Variants in CASP2 observed in about 807,000 individuals in gnomAD.
CASP2 encodes the protein caspase-2.
In CASP2, 38 loss-of-function variants were observed where a neutral mutation model predicts 54.4. The ratio of observed to expected loss-of-function variants is 0.70; its 90% CI spans 0.54 to 0.92. The LOEUF (loss-of-function observed/expected upper bound fraction) is 0.92. Ranked by LOEUF, CASP2 falls within the 40% of genes least tolerant of loss-of-function variation. CASP2 has a pLI of 0.00. For missense variants in CASP2, 512 were observed against 579.6 expected, an observed-to-expected ratio of 0.88 and a Z score of 1.20; for synonymous variants, 215 against 216.3, an observed-to-expected ratio of 0.99 and a Z score of 0.05.
chr7:143,291,441 G>T (rs1470529401), intron 1 of CASP2, 99 bp from the exon 2 acceptor site: 1 of 1,187,452 alleles, frequency 8.4e-7, no homozygotes, highest in Non-Finnish European at 1.3e-6. Context: ...GTTATTGTAA[G>T]TCTTATTCTT....
Position 143,292,345 on chromosome 7 carries a change from C to T in CASP2, c.271C>T (p.Leu91=), listed in dbSNP as rs1382115379. The T allele has an allele frequency of 6.2e-6, 10 of 1,614,070 alleles. No individual in the cohort carries two copies. Among genetic ancestry groups the T allele is most frequent in the Non-Finnish European group, 7.6e-6 (9 of 1,180,016 alleles). ...FSQNVELLNL[L]PKRGPQAFDA... ...CCAGAATGTGGAACTCCTCAACTTGCTGCCTAAGAGGGGTCCCCAAGCTTT... is the reference window on the plus strand; with the variant it reads ...CCAGAATGTGGAACTCCTCAACTTGTTGCCTAAGAGGGGTCCCCAAGCTTT... The change falls in exon 3 of 11, where the codon CTG becomes TTG. Residue 91 remains leucine (L), a synonymous_variant. Coordinates refer to ENST00000310447, the MANE Select transcript of CASP2 (RefSeq NM_032982.4).
rs1019753057 is a variant in CASP2, at chr7:143,299,943, G to A, written c.768G>A (p.Gln256=). 2 of 1,614,190 alleles carry A rather than the reference G, an allele frequency of 1.2e-6. No homozygotes were observed. The highest frequency in any genetic ancestry group is 1.3e-5 in the African/African-American group (1 of 75,052). ...TTTAGGAAATGCAAGAGAAACTGCA[G>A]AATTTTGCACAGTTACCTGCACACC... The part of the protein sequence containing the change: ...QTAQEMQEKL[Q]NFAQLPAHRV... The change falls in exon 7 of 11, where the codon CAG becomes CAA. Residue 256 remains glutamine (Q), a synonymous_variant. Coordinates refer to ENST00000310447, the MANE Select transcript of CASP2 (RefSeq NM_032982.4).
chr7:143,300,873 T>G (rs1397097865), intron 8 of CASP2: 1 of 1,109,414 alleles, frequency 9.0e-7, no homozygotes, highest in African/African-American at 1.6e-5. Context: ...TCATGCAGTC[T>G]GTTTTACTCC....
chr7:143,291,999 C>T (rs934349711), intron 2 of CASP2, among the ~76,000 whole-genome samples: 1 of 151,302 alleles, frequency 6.6e-6, no homozygotes, highest in Non-Finnish European at 1.5e-5. Flanking sequence ...AGGAGGGTGT[C>T]GATCTCCTGA....
chr7:143,292,350 T>A lies in CASP2; in HGVS notation c.276T>A (p.Pro92=). The change falls in exon 3 of 11, where the codon CCT becomes CCA. Residue 92 remains proline, a synonymous_variant. Coordinates refer to ENST00000310447, the MANE Select transcript of CASP2 (RefSeq NM_032982.4). ...SQNVELLNLL[P]KRGPQAFDAF... The stretch of plus-strand genomic sequence containing the variant: ...ATGTGGAACTCCTCAACTTGCTGCC[T>A]AAGAGGGGTCCCCAAGCTTTTGATG... The A allele has an allele frequency of 6.2e-7, 1 of 1,614,204 alleles. No individual in the cohort carries two copies. Among genetic ancestry groups the A allele is most frequent in the Non-Finnish European group, 8.5e-7 (1 of 1,180,036 alleles).
rs1802043977 is a variant in CASP2 at position 143,305,717 on chromosome 7, G to A, written c.*646G>A. 6.2e-6 allele frequency: 1 copy of A among 162,124 alleles called. No homozygotes were observed. The highest frequency in any genetic ancestry group is 1.4e-5 in the Non-Finnish European group (1 of 73,002). The allele number at this position is 162,124 out of a possible 1,614,324, so 10.0% of individuals were successfully genotyped here. A position where few individuals can be genotyped will look rare whatever the true frequency, so the allele number is the denominator to read the frequency against. The stretch of plus-strand genomic sequence containing the variant: ...GCACCGCAGCCTGTCAGCCAACATT[G>A]CCTTGCATTTGTACCTTATTGATCT... On this transcript the variant is annotated 3_prime_UTR_variant, in exon 11 of 11. Transcript: ENST00000310447.
At position 143,300,051 on chromosome 7, in the gene CASP2, G is replaced by A; in HGVS notation, c.876G>A (p.Gln292=). 6.2e-7 allele frequency: 1 copy of A among 1,614,118 alleles called. No homozygotes were observed. The highest frequency in any genetic ancestry group is 8.5e-7 in the Non-Finnish European group (1 of 1,180,020). Residue 292 remains glutamine (Q), a splice_region_variant and synonymous_variant, in exon 7 of 11, where the codon CAG becomes CAA. Transcript: ENST00000310447. ...ATGGTGTGGATGGGAAACTGCTCCA[G>A]GTGCGGATACCCTGGTGGAAGCCAA... ...AIYGVDGKLL[Q]LQEVFQLFDN...
At chr7:143,292,781 C>T (rs949774477) in intron 4 of CASP2, 83 bp downstream of exon 4, 18 of 1,110,684 alleles carry the variant, frequency 1.6e-5, no homozygotes, top group South Asian at 1.3e-4. Flanking sequence ...GGGGCCAAGG[C>T]GGGTGGATCA....
At position 143,288,682 on chromosome 7, in the gene CASP2, G is replaced by C. The variant is rs1801459609; in HGVS notation, c.74+153G>C. ...CAAGGGTGGGACGCCCGCCCGAGCC[G>C]CTCCGAGCCTGACTCCGCGCAAGGG... On this transcript the variant is annotated intron_variant, in intron 1 of 10. Coordinates refer to ENST00000310447, the MANE Select transcript of CASP2 (RefSeq NM_032982.4). Among the ~76,000 whole-genome samples the C allele has an allele frequency of 2.6e-5, 4 of 152,196 alleles. No homozygotes were observed. The South Asian group carries it at 8.3e-4, about 31-fold the overall frequency.
intron 1 of CASP2, among the ~76,000 whole-genome samples, chr7:143,288,972 A>G (rs1801472512): frequency 6.6e-6 from 1 of 152,226 alleles, no homozygotes; most frequent in Non-Finnish European, 1.5e-5. Flanking sequence ...CGATTGTATC[A>G]TGATCTGCAT....
At chr7:143,292,746 T>C in intron 4 of CASP2, 48 bp downstream of exon 4, 1 of 1,491,120 alleles carries the variant, frequency 6.7e-7, no homozygotes, top group Non-Finnish European at 9.3e-7. Context: ...TGCCACGGCT[T>C]ACGCCTATAA....
In CASP2 at chr7:143,305,643, C is replaced by A; in HGVS notation, c.*572C>A. The A allele has an allele frequency of 2.8e-5, 5 of 178,734 alleles. No homozygotes were observed. Among genetic ancestry groups the A allele is most frequent in the South Asian group, 1.2e-4 (1 of 8,434 alleles). The allele number at this position is 178,734 out of a possible 1,614,324, so 11.1% of individuals were successfully genotyped here. On this transcript the variant is annotated 3_prime_UTR_variant, in exon 11 of 11. Coordinates refer to ENST00000310447, the MANE Select transcript of CASP2 (RefSeq NM_032982.4). ...AGCGGCCTGTGCGTTCCCTTCAGTACTGCAGCGCCACCCAGTGGAAGGACA... is the reference window on the plus strand; with the variant it reads ...AGCGGCCTGTGCGTTCCCTTCAGTAATGCAGCGCCACCCAGTGGAAGGACA...
chr7:143,304,223 G>T (rs1353996744), intron 9 of CASP2, among the ~76,000 whole-genome samples: 2 of 152,116 alleles, frequency 1.3e-5, no homozygotes, highest in African/African-American at 4.8e-5. Flanking sequence ...AGATTTTTTG[G>T]ATTTGGGATG....
At chr7:143,299,245 T>G (rs891711739) in intron 6 of CASP2, among the ~76,000 whole-genome samples, 4 of 152,092 alleles carry the variant, frequency 2.6e-5, no homozygotes, top group Non-Finnish European at 5.9e-5. Context: ...TTTTATAAAG[T>G]GAAAAGTGAG....
At chr7:143,300,512 C>G in intron 8 of CASP2, 1 of 1,578,170 alleles carries the variant, frequency 6.3e-7, no homozygotes, top group Non-Finnish European at 8.6e-7. Flanking sequence ...GTCAGCTCTC[C>G]GTGCACCACC....
chr7:143,296,738 A>C (rs1023490112), intron 6 of CASP2, among the ~76,000 whole-genome samples: 1 of 152,114 alleles, frequency 6.6e-6, no homozygotes, highest in Non-Finnish European at 1.5e-5. Flanking sequence ...AGAACCAAAA[A>C]AAAAAAAAAG....
intron 6 of CASP2, among the ~76,000 whole-genome samples, chr7:143,295,845 G>A (rs1280090154): frequency 6.6e-6 from 1 of 152,190 alleles, no homozygotes; most frequent in Non-Finnish European, 1.5e-5. Flanking sequence ...TCAAAGCCAT[G>A]GCAGCAACAG....
chr7:143,299,924 A>G lies in CASP2; in HGVS notation c.749A>G (p.Glu250Gly). ...ACACTAAACATTCCTTTCTTTTAGGAAATGCAAGAGAAACTGCAGAATTTT... is the reference window on the plus strand; with the variant it reads ...ACACTAAACATTCCTTTCTTTTAGGGAATGCAAGAGAAACTGCAGAATTTT... Reference protein sequence around the residue: ...VHVLCDQTAQEMQEKLQNFAQ... With the variant: ...VHVLCDQTAQGMQEKLQNFAQ... The change falls in exon 7 of 11, where the codon GAA becomes GGA. Residue 250 changes from glutamate to glycine, a missense_variant and splice_region_variant. Coordinates refer to ENST00000310447, the MANE Select transcript of CASP2 (RefSeq NM_032982.4). 1.2e-6 allele frequency: 2 copies of G among 1,614,168 alleles called. No homozygotes were observed. The highest frequency in any genetic ancestry group is 2.2e-5 in the South Asian group (2 of 91,072).
intron 6 of CASP2, among the ~76,000 whole-genome samples, chr7:143,295,253 C>T (rs557191987): frequency 6.6e-6 from 1 of 152,296 alleles, no homozygotes; most frequent in Admixed American, 6.5e-5. Flanking sequence ...GTCTCAAACT[C>T]CTGACCTCAG....
Sources: allele counts gnomAD v4.1 joint callset (sites outside exome capture counted in the v4.1 genomes callset), GRCh38; gene constraint gnomAD v4.1.1; transcripts MANE v1.5; gene names NCBI Gene and HGNC (gene_info 2026-07-23, HGNC 2026-07-21).